The following SLC9A7 variants were observed in gnomAD, a reference collection of about 807,000 sequenced individuals.
The protein encoded by SLC9A7 is sodium/hydrogen exchanger 7.
In SLC9A7, 19 loss-of-function variants were observed where a neutral mutation model predicts 52.6. The ratio of observed to expected loss-of-function variants is 0.36; its 90% confidence interval spans 0.25 to 0.53. The LOEUF is 0.53. Ranked by LOEUF, SLC9A7 falls within the 20% of genes least tolerant of loss-of-function variation. The pLI is 0.91. For synonymous variants in SLC9A7, 226 were observed against 252.1 expected, an observed-to-expected ratio of 0.90 and a Z score of 0.98; for missense variants, 455 against 597.9, an observed-to-expected ratio of 0.76 and a Z score of 2.49.
chrX:46,729,218 G>A (rs1349024342), intron 1 of SLC9A7, among the ~76,000 whole-genome samples: 1 of 111,972 alleles, frequency 8.9e-6, no homozygotes. Context: ...AATGAAGAGT[G>A]CAATAATTAA....
At chrX:46,731,201 G>T (rs923838748) in intron 1 of SLC9A7, among the ~76,000 whole-genome samples, 1 of 109,207 alleles carries the variant, frequency 9.2e-6, no homozygotes, top group Non-Finnish European at 1.9e-5. Context: ...TCTCAAATCA[G>T]TGGGGTCAAT....
chrX:46,653,355 G>A (rs1569510224), intron 8 of SLC9A7, among the ~76,000 whole-genome samples: 1 of 111,606 alleles, frequency 9.0e-6, no homozygotes, highest in Non-Finnish European at 1.9e-5. Context: ...TGATTGTGCT[G>A]CTGCACTCCA....
chrX:46,654,812 T>C (rs1322870057), intron 7 of SLC9A7, among the ~76,000 whole-genome samples: 1 of 111,092 alleles, frequency 9.0e-6, no homozygotes, highest in Non-Finnish European at 1.9e-5. Flanking sequence ...CAGATCTCAC[T>C]GAGCAATATA....
chrX:46,668,473 C>T (rs1483870012), intron 5 of SLC9A7, among the ~76,000 whole-genome samples: 3 of 111,255 alleles, frequency 2.7e-5, no homozygotes, highest in Admixed American at 9.5e-5. Flanking sequence ...TGCCATTGCA[C>T]TCCAGCCTGG....
intron 1 of SLC9A7, among the ~76,000 whole-genome samples, chrX:46,748,414 A>AGGAAGGAAGGAAGGAAGGAAGGAC (rs1266188596): frequency 2.1e-5 from 2 of 96,449 alleles, no homozygotes; most frequent in Non-Finnish European, 4.4e-5. Flanking sequence ...GAAGGAAGGA[A>AGGAAGGAAGGAAGGAAGGAAGGAC]GGACAGACAG....
At chrX:46,642,856 A>C (rs1285939686) in intron 12 of SLC9A7, among the ~76,000 whole-genome samples, 3 of 111,821 alleles carry the variant, frequency 2.7e-5, no homozygotes, top group Non-Finnish European at 5.6e-5. Context: ...CTTATTCTTC[A>C]GAGTCTGGAT....
In SLC9A7 at chrX:46,758,693, A is replaced by C. The variant is rs188551358; in HGVS notation, c.325+12T>G. 7 of 1,117,726 alleles carry C rather than the reference A, an allele frequency of 6.3e-6. No homozygotes were observed. The Admixed American group carries it at 1.5e-4, about 24-fold the overall frequency. 92.1% of individuals were successfully genotyped at this position (1,117,726 alleles called of 1,213,427 possible). A position where few individuals can be genotyped will look rare whatever the true frequency, so the allele number is the denominator to read the frequency against. ...GGGTGTGGAGGGCGGGGGGTGTAAC[A>C]GGGGTGCTCACCATAGATCATGGCC... On this transcript the variant is annotated intron_variant, in intron 1 of 16. Coordinates refer to ENST00000616978, the MANE Select transcript of SLC9A7 (RefSeq NM_001257291.2).
intron 1 of SLC9A7, among the ~76,000 whole-genome samples, chrX:46,686,184 C>T (rs765115697): frequency 8.9e-6 from 1 of 111,881 alleles, no homozygotes; most frequent in Admixed American, 9.5e-5. Flanking sequence ...GGGCCCAATG[C>T]GCTCATATTA....
rs186031860 is a variant in SLC9A7 at position 46,723,280 on chromosome X, T to C, written c.325+35425A>G. On this transcript the variant is annotated intron_variant, in intron 1 of 16. Transcript: ENST00000616978. ...TCTGGGTGGGGCAGCCCGTGGTGTATCGGCAATAAGATTTCTACAAAAAAA... is the reference window on the plus strand; with the variant it reads ...TCTGGGTGGGGCAGCCCGTGGTGTACCGGCAATAAGATTTCTACAAAAAAA... Among the ~76,000 whole-genome samples the C allele has an allele frequency of 4.5e-3, 365 of 80,728 alleles. 2 individuals are homozygous for C. The highest frequency in any genetic ancestry group is 0.022 in the Middle Eastern group (2 of 92). The allele number at this position is 80,728 out of a possible 115,157, so 70.1% of individuals were successfully genotyped here. A position where few individuals can be genotyped will look rare whatever the true frequency, so the allele number is the denominator to read the frequency against.
At chrX:46,693,500 C>A (rs1434138975) in intron 1 of SLC9A7, among the ~76,000 whole-genome samples, 1 of 110,805 alleles carries the variant, frequency 9.0e-6, no homozygotes, top group Non-Finnish European at 1.9e-5. Context: ...ATCTTTTCAA[C>A]AAATGGTGCT....
At chrX:46,700,692 C>T (rs1007299245) in intron 1 of SLC9A7, among the ~76,000 whole-genome samples, 1 of 111,937 alleles carries the variant, frequency 8.9e-6, no homozygotes, top group East Asian at 2.8e-4. Flanking sequence ...TTCTTTAAGC[C>T]GCCTAGTCTA....
chrX:46,650,659 G>A (rs909862768), intron 10 of SLC9A7, among the ~76,000 whole-genome samples: 13 of 111,113 alleles, frequency 1.2e-4, no homozygotes, highest in African/African-American at 4.3e-4. Context: ...GAACCTTTGG[G>A]TCATCCAAAT....
chrX:46,739,649 T>C (rs1371229196), intron 1 of SLC9A7, among the ~76,000 whole-genome samples: 1 of 111,662 alleles, frequency 9.0e-6, no homozygotes. Flanking sequence ...TGCTCATCTT[T>C]AGCTTGCTTC....
intron 1 of SLC9A7, among the ~76,000 whole-genome samples, chrX:46,722,037 G>C (rs947035278): frequency 9.0e-6 from 1 of 111,256 alleles, no homozygotes; most frequent in African/African-American, 3.3e-5. Flanking sequence ...AAACTATTTT[G>C]ATGGTCCTGG....
intron 1 of SLC9A7, among the ~76,000 whole-genome samples, chrX:46,718,178 C>T (rs370604249): frequency 1.8e-5 from 2 of 111,326 alleles, no homozygotes; most frequent in Non-Finnish European, 3.8e-5. Context: ...ACAAACCTGA[C>T]GAAAACAAGA....
At chrX:46,664,320 A>G (rs1943881536) in intron 5 of SLC9A7, among the ~76,000 whole-genome samples, 1 of 111,869 alleles carries the variant, frequency 8.9e-6, no homozygotes, top group African/African-American at 3.2e-5. Flanking sequence ...ACCCCAGAAC[A>G]GTGGAGCAGA....
Position 46,613,337 on chromosome X carries a change from GGC to G in SLC9A7, c.1879_1880del (p.Ala627LeufsTer17). The G allele has an allele frequency of 8.3e-7, 1 of 1,208,724 alleles. No homozygotes were observed. The highest frequency in any genetic ancestry group is 1.1e-6 in the Non-Finnish European group (1 of 893,778). The stretch of plus-strand genomic sequence containing the variant: ...GACATCGAGCTAGTAAGCCACACCA[GGC>G]GGGGAGCGTGGTGGTTAGTGGGGGA... ...SGPPLTTTLP[A>X]WCGLLARCLT... On this transcript the variant is annotated frameshift_variant, in exon 16 of 17. Coordinates refer to ENST00000616978, the MANE Select transcript of SLC9A7 (RefSeq NM_001257291.2). LOFTEE classifies it high-confidence loss of function.
intron 1 of SLC9A7, among the ~76,000 whole-genome samples, chrX:46,721,577 A>G (rs1026960777): frequency 1.8e-5 from 2 of 111,556 alleles, no homozygotes; most frequent in African/African-American, 3.3e-5. Context: ...TCAAAATTCA[A>G]TTCCCTGTGG....
chrX:46,631,371 A>C (rs1404729291), intron 14 of SLC9A7, among the ~76,000 whole-genome samples: 1 of 112,391 alleles, frequency 8.9e-6, no homozygotes, highest in East Asian at 2.8e-4. Context: ...ATGTTGATTA[A>C]GAACACATAC....
Sources: allele counts gnomAD v4.1 joint callset (sites outside exome capture counted in the v4.1 genomes callset), GRCh38; gene constraint gnomAD v4.1.1; transcripts MANE v1.5; gene names NCBI Gene and HGNC (gene_info 2026-07-23, HGNC 2026-07-21).